Variants in ARAP2 observed in about 807,000 individuals in gnomAD.
ARAP2 encodes ArfGAP with RhoGAP domain, ankyrin repeat and PH domain 2, also known as arf-GAP with Rho-GAP domain, ANK repeat and PH domain-containing protein 2.
A neutral mutation model predicts 194.5 loss-of-function variants in ARAP2; 148 were observed. The observed-to-expected ratio is 0.76, with a 90% confidence interval of 0.67 to 0.87. The LOEUF is 0.87. Ranked by LOEUF, ARAP2 falls within the 40% of genes least tolerant of loss-of-function variation. The pLI is 0.00. For missense variants in ARAP2, 2,128 were observed against 1,989.7 expected (o/e 1.07, Z -1.32); for synonymous variants, 695 against 683.5 (o/e 1.02, Z -0.26).
intron 29 of ARAP2, among the ~76,000 whole-genome samples, chr4:36,082,855 G>T (rs1296202394): frequency 1.3e-5 from 2 of 152,160 alleles, no homozygotes; most frequent in South Asian, 2.1e-4. Context: ...CACGCAATCT[G>T]TAGGAGGCAC....
chr4:36,007,974 T>C (rs1713651669), intron 9 of ARAP2, among the ~76,000 whole-genome samples: 1 of 151,790 alleles, frequency 6.6e-6, no homozygotes, highest in Non-Finnish European at 1.5e-5. Flanking sequence ...TGCCTAGAAA[T>C]ACAGATAACC....
intron 6 of ARAP2, among the ~76,000 whole-genome samples, chr4:36,200,892 A>C (rs1744226532): frequency 6.6e-6 from 1 of 152,242 alleles, no homozygotes; most frequent in African/African-American, 2.4e-5. Context: ...TTCAATTACT[A>C]GCTTAATTTG....
chr4:36,171,689 T>C (rs1175735638), intron 9 of ARAP2, among the ~76,000 whole-genome samples: 1 of 152,060 alleles, frequency 6.6e-6, no homozygotes, highest in African/African-American at 2.4e-5. Context: ...AAAAAATGTT[T>C]AAAAGAATGC....
At chr4:36,208,037 G>A (rs1745939670) in intron 6 of ARAP2, among the ~76,000 whole-genome samples, 1 of 152,188 alleles carries the variant, frequency 6.6e-6, no homozygotes, top group Admixed American at 6.6e-5. Context: ...CACAAGAAAA[G>A]CAATGCTGAT....
chr4:36,158,817 A>G lies in ARAP2; in HGVS notation c.2665T>C (p.Ser889Pro). 1 of 1,611,658 alleles carries G rather than the reference A, an allele frequency of 6.2e-7. No individual in the cohort carries two copies. The highest frequency in any genetic ancestry group is 8.5e-7 in the Non-Finnish European group (1 of 1,179,128). Residue 889 changes from serine (S) to proline (P), a missense_variant, in exon 15 of 33, where the codon TCT becomes CCT. Physicochemically the swap from Ser to Pro is moderately conservative, Grantham distance 74. Transcript: ENST00000303965. ...IHSEGVLSQESSQSTFLCDFL... is the reference protein window; with the variant it reads ...IHSEGVLSQEPSQSTFLCDFL... ...TCACAGAGGAATGTGGACTGGGAAG[A>G]CTCTTGACTTAATACACCCTCGGAA...
intron 26 of ARAP2, among the ~76,000 whole-genome samples, chr4:36,111,601 A>G (rs1466524428): frequency 6.6e-6 from 1 of 152,026 alleles, no homozygotes; most frequent in Non-Finnish European, 1.5e-5. Flanking sequence ...TCTTGGCATA[A>G]AGACAACTTT....
At chr4:36,085,683 T>C (rs73123477) in intron 28 of ARAP2, among the ~76,000 whole-genome samples, 2,869 of 152,248 alleles carry the variant, frequency 0.019, 94 homozygotes, top group African/African-American at 0.066. Flanking sequence ...TATCTATTTA[T>C]CCTTTGAGGT....
chr4:36,041,486 T>A (rs1473404617), intron 5 of ARAP2, among the ~76,000 whole-genome samples: 1 of 152,148 alleles, frequency 6.6e-6, no homozygotes, highest in Non-Finnish European at 1.5e-5. Context: ...TGAGATACCA[T>A]CTCACACTAA....
At chr4:36,086,151 C>G (rs538745230) in intron 28 of ARAP2, among the ~76,000 whole-genome samples, 1 of 152,136 alleles carries the variant, frequency 6.6e-6, no homozygotes, top group African/African-American at 2.4e-5. Flanking sequence ...GATTGCTATT[C>G]CCTCAGACAC....
chr4:36,240,455 A>C (rs1753298008), intron 1 of ARAP2, among the ~76,000 whole-genome samples: 1 of 152,228 alleles, frequency 6.6e-6, no homozygotes, highest in Admixed American at 6.5e-5. Flanking sequence ...CTGAAGACTT[A>C]ACACCTGGGA....
chr4:36,014,253 G>GAAAGAAAGAAAGAAAGAAAGAAAGAAAGA (rs1560263930), intron 8 of ARAP2, among the ~76,000 whole-genome samples: 11 of 131,006 alleles, frequency 8.4e-5, no homozygotes, highest in African/African-American at 2.7e-4. Context: ...AAGAAAGAAA[G>GAAAGAAAGAAAGAAAGAAAGAAAGAAAGA]AAAGAAAGAA....
chr4:36,021,508 G>T (rs974347303), intron 5 of ARAP2, among the ~76,000 whole-genome samples: 2 of 152,096 alleles, frequency 1.3e-5, no homozygotes, highest in Non-Finnish European at 2.9e-5. Flanking sequence ...AAATTGTGTG[G>T]CACCTCTGCC....
chr4:36,059,577 G>T (rs1286209612), intron 1 of ARAP2, among the ~76,000 whole-genome samples: 1 of 152,192 alleles, frequency 6.6e-6, no homozygotes, highest in Admixed American at 6.5e-5. Flanking sequence ...CTGGAACTCA[G>T]TGAGTAGATT....
intron 18 of ARAP2, 58 bp downstream of exon 18, chr4:36,147,490 A>AT (rs1729916014): frequency 7.7e-6 from 12 of 1,564,768 alleles, no homozygotes; most frequent in Non-Finnish European, 1.0e-5. Context: ...AAAGGCTATC[A>AT]CTATTGTATG....
At chr4:36,023,834 C>T (rs1400115188) in intron 5 of ARAP2, among the ~76,000 whole-genome samples, 1 of 152,026 alleles carries the variant, frequency 6.6e-6, no homozygotes, top group Non-Finnish European at 1.5e-5. Flanking sequence ...CTGTAATAAA[C>T]TTGAAGAGTG....
chr4:36,204,987 CA>C (rs754960122), intron 6 of ARAP2, among the ~76,000 whole-genome samples: 7 of 35,084 alleles, frequency 2.0e-4, no homozygotes, highest in African/African-American at 9.4e-4. Context: ...GACTCCATCT[CA>C]AAAAAAAAAA....
chr4:36,107,264 G>A lies in ARAP2; in HGVS notation c.4285+301C>T, dbSNP rs537812022. Among the ~76,000 whole-genome samples, 16 of 152,014 alleles carry A rather than the reference G, an allele frequency of 1.1e-4. No homozygotes were observed. In the South Asian group the frequency reaches 2.9e-3, roughly 28 times the overall value. On this transcript the variant is annotated intron_variant, in intron 27 of 32. Transcript: ENST00000303965. Reference sequence around the variant, plus strand: ...AATTCACAGAGATGACTTGCCCTCAGTCTAAAAATTGAGGAAAATACATAA... The same window carrying A: ...AATTCACAGAGATGACTTGCCCTCAATCTAAAAATTGAGGAAAATACATAA...
chr4:36,147,269 A>C (rs1230943325), intron 19 of ARAP2, 27 bp downstream of exon 19: 1 of 1,599,558 alleles, frequency 6.3e-7, no homozygotes. Flanking sequence ...TGTTGAGATA[A>C]GGAATAAAAA....
chr4:36,177,345 T>A (rs1323717075), intron 9 of ARAP2, among the ~76,000 whole-genome samples: 2 of 152,176 alleles, frequency 1.3e-5, no homozygotes, highest in African/African-American at 2.4e-5. Flanking sequence ...TGTATACATA[T>A]ATACCTTACA....
Sources: gnomAD v4.1 joint callset for allele counts (sites outside exome capture counted in the v4.1 genomes callset) on GRCh38, gnomAD v4.1.1 for gene constraint, MANE v1.5 for transcripts, NCBI Gene and HGNC (gene_info 2026-07-23, HGNC 2026-07-21) for gene names.